The following COL28A1 variants were observed in gnomAD, a reference collection of about 807,000 sequenced individuals.
The protein encoded by COL28A1 is collagen alpha-1(XXVIII) chain.
A neutral mutation model predicts 150.2 loss-of-function variants in COL28A1; 161 were observed. The observed-to-expected ratio is 1.07, with a 90% CI of 0.94 to 1.22. The LOEUF (loss-of-function observed/expected upper bound fraction) is 1.22, where lower values mean the gene tolerates loss of function less well. Ranked by LOEUF, COL28A1 falls within the 50% of genes most tolerant of loss-of-function variation. The pLI, the probability that COL28A1 is intolerant of heterozygous loss-of-function variation, is 0.00. For missense variants in COL28A1, 1,617 were observed against 1,388.3 expected (o/e 1.16, Z -2.62); for synonymous variants, 552 against 469.7 (o/e 1.18, Z -2.26).
At chr7:7,453,113 G>C (rs932767248) in intron 17 of COL28A1, among the ~76,000 whole-genome samples, 6 of 152,194 alleles carry the variant, frequency 3.9e-5, no homozygotes, top group Non-Finnish European at 7.3e-5. Flanking sequence ...GTGGTGGTGA[G>C]AATGAAAATT....
chr7:7,381,553 T>C lies in COL28A1; in HGVS notation c.2196A>G (p.Pro732=). The change falls in exon 28 of 35, where the codon CCA becomes CCG. Residue 732 remains proline (P), a synonymous_variant. Transcript: ENST00000399429. ...ATCCTGAGACACTTACCTTCTGGCC[T>C]GGGAGGCCATGGCCCATTGTGCCCT... ...GPKGTMGHGL[P]GQKGEHGERG... The C allele has an allele frequency of 6.2e-7, 1 of 1,613,232 alleles. No homozygotes were observed. Among genetic ancestry groups the C allele is most frequent in the South Asian group, 1.1e-5 (1 of 91,050 alleles).
rs375395935 is a variant in COL28A1, at chr7:7,517,757, G to A, written c.855+39C>T. On this transcript the variant is annotated intron_variant, in intron 7 of 34. Transcript: ENST00000399429. Reference sequence around the variant, plus strand: ...GTCAACCACAAAATCAGTAACCTAGGATCACTTTCTTAGGAAGGCATTCCA... The same window carrying A: ...GTCAACCACAAAATCAGTAACCTAGAATCACTTTCTTAGGAAGGCATTCCA... The A allele has an allele frequency of 1.9e-6, 3 of 1,612,478 alleles. No homozygotes were observed. In the African/African-American group the frequency reaches 4.0e-5, roughly 22 times the overall value.
chr7:7,351,838 C>T (rs1780236770), downstream of COL28A1, among the ~76,000 whole-genome samples: 1 of 152,086 alleles, frequency 6.6e-6, no homozygotes, highest in Non-Finnish European at 1.5e-5. Context: ...CCTCTACCAT[C>T]TGAATGGACA....
rs1785121497 is a variant in COL28A1, at chr7:7,433,414, T to C, written c.1861-714A>G. On this transcript the variant is annotated intron_variant, in intron 23 of 34. Coordinates refer to ENST00000399429, the MANE Select transcript of COL28A1 (RefSeq NM_001037763.3). The stretch of plus-strand genomic sequence containing the variant: ...ACTTTGGGAAGCTGAGGTGGGTGGA[T>C]CACCAGGTCAGGAGTTCAAGACCAG... 3.9e-5 allele frequency among the ~76,000 whole-genome samples: 6 copies of C among 152,162 alleles called. No homozygotes were observed. In the South Asian group the frequency reaches 1.2e-3, roughly 32 times the overall value.
At position 7,521,946 on chromosome 7, in the gene COL28A1, A is replaced by G; in HGVS notation, c.718T>C (p.Cys240Arg). The stretch of plus-strand genomic sequence containing the variant: ...CCTGGATCTCCCTTCTCACATTCAC[A>G]AATCTTGCGTTCACACTGAATCAAT... The part of the protein sequence containing the change: ...LFEKKCERKI[C>R]ECEKGDPGDP... Residue 240 changes from cysteine (C) to arginine (R), a missense_variant, in exon 5 of 35, where the codon TGT becomes CGT. Cys to Arg is a radical substitution (Grantham distance 180, BLOSUM62 -3). Transcript: ENST00000399429. The G allele has an allele frequency of 8.8e-7, 1 of 1,131,144 alleles. No homozygotes were observed. The allele number at this position is 1,131,144 out of a possible 1,614,324, so 70.1% of individuals were successfully genotyped here.
intron 25 of COL28A1, among the ~76,000 whole-genome samples, 190 bp downstream of exon 25, chr7:7,432,283 C>T (rs982179237): frequency 1.3e-5 from 2 of 151,986 alleles, no homozygotes; most frequent in Admixed American, 1.3e-4. Flanking sequence ...GAAGGAGGAC[C>T]CAAACCATAA....
intron 21 of COL28A1, among the ~76,000 whole-genome samples, chr7:7,437,759 C>T (rs1010793288): frequency 2.0e-5 from 3 of 151,992 alleles, no homozygotes; most frequent in Admixed American, 1.3e-4. Context: ...ATGGTGCTTC[C>T]TTTTTGTGTT....
At position 7,531,383 on chromosome 7, in the gene COL28A1, C is replaced by A; in HGVS notation, c.646G>T (p.Asp216Tyr). The A allele has an allele frequency of 6.3e-7, 1 of 1,579,952 alleles. No individual in the cohort carries two copies. The stretch of plus-strand genomic sequence containing the variant: ...TGAATTTTATCTACAAGGGTTGGAT[C>A]ACTCAACAGTAAAGTGGGTTCACTG... ...SSSEPTLLLSDPTLVDKIQDR... is the reference protein window; with the variant it reads ...SSSEPTLLLSYPTLVDKIQDR... The change falls in exon 3 of 35, where the codon GAT (aspartate) becomes TAT (tyrosine). Residue 216 changes from aspartate (D) to tyrosine (Y), a missense_variant. Coordinates refer to ENST00000399429, the MANE Select transcript of COL28A1 (RefSeq NM_001037763.3).
intron 30 of COL28A1, among the ~76,000 whole-genome samples, chr7:7,376,159 T>C (rs1333833905): frequency 6.6e-6 from 1 of 152,150 alleles, no homozygotes; most frequent in Non-Finnish European, 1.5e-5. Flanking sequence ...TGCCCTTCCC[T>C]GTGCAGTGTG....
chr7:7,405,659 A>G (rs1369218386), intron 27 of COL28A1, among the ~76,000 whole-genome samples: 1 of 152,172 alleles, frequency 6.6e-6, no homozygotes, highest in Non-Finnish European at 1.5e-5. Flanking sequence ...CTCCTCAAAT[A>G]TGAATTCACA....
Position 7,456,069 on chromosome 7 carries a change from G to C in COL28A1, c.1346C>G (p.Pro449Arg), listed in dbSNP as rs542163430. The C allele has an allele frequency of 3.1e-6, 5 of 1,613,860 alleles. No individual in the cohort carries two copies. The African/African-American group carries it at 5.3e-5, about 17-fold the overall frequency. The stretch of plus-strand genomic sequence containing the variant: ...CTGTTCCCCTTGACTCCCGATTCCA[G>C]GGATACCCATTGGTCCTTGGGGTCC... ...PVGPQGPMGI[P>R]GIGSQGEQGI... The change falls in exon 16 of 35, where the codon CCT becomes CGT. Residue 449 changes from proline to arginine, a missense_variant. By Grantham distance (103) the Pro-to-Arg change is moderately radical (BLOSUM62 -2). Transcript: ENST00000399429.
intron 13 of COL28A1, among the ~76,000 whole-genome samples, chr7:7,477,814 G>A (rs1425683537): frequency 6.6e-6 from 1 of 152,184 alleles, no homozygotes; most frequent in East Asian, 1.9e-4. Context: ...AGGGCAGCCT[G>A]CTTTTATTCT....
chr7:7,425,319 A>C (rs1283129449), intron 25 of COL28A1, among the ~76,000 whole-genome samples: 4 of 152,176 alleles, frequency 2.6e-5, no homozygotes, highest in African/African-American at 9.7e-5. Context: ...TAACTTTTCC[A>C]TAGACTTTCT....
intron 25 of COL28A1, among the ~76,000 whole-genome samples, chr7:7,426,672 A>T (rs1315807755): frequency 6.6e-6 from 1 of 152,212 alleles, no homozygotes. Context: ...ATTTTCAATT[A>T]CTTGAATCAA....
chr7:7,389,620 T>C (rs1166476433), intron 27 of COL28A1, among the ~76,000 whole-genome samples: 1 of 152,244 alleles, frequency 6.6e-6, no homozygotes, highest in Non-Finnish European at 1.5e-5. Context: ...TGATTCTTCC[T>C]GTCCATGAGC....
At chr7:7,471,125 T>TTAAA (rs1243089855) in intron 15 of COL28A1, among the ~76,000 whole-genome samples, 3 of 88,524 alleles carry the variant, frequency 3.4e-5, no homozygotes, top group East Asian at 3.4e-4. Flanking sequence ...AAAAAATAAT[T>TTAAA]AAAAAAAAAA....
At chr7:7,458,365 G>C (rs1035936820) in intron 15 of COL28A1, among the ~76,000 whole-genome samples, 10 of 151,862 alleles carry the variant, frequency 6.6e-5, no homozygotes, top group East Asian at 1.9e-4. Flanking sequence ...GCAGTGAGCT[G>C]AGATGGTGCC....
At chr7:7,437,591 A>G (rs1247270067) in intron 21 of COL28A1, 129 bp from the exon 22 acceptor site, 3 of 1,330,874 alleles carry the variant, frequency 2.3e-6, no homozygotes, top group African/African-American at 1.6e-5. Context: ...TTCAAAGACC[A>G]ATGTGAAAAT....
intron 33 of COL28A1, among the ~76,000 whole-genome samples, chr7:7,362,226 C>G (rs1391872005): frequency 6.8e-6 from 1 of 147,650 alleles, no homozygotes; most frequent in African/African-American, 2.5e-5. Flanking sequence ...AGGAGCTAGA[C>G]AAATCTTTTA....
Sources: gnomAD v4.1 joint callset for allele counts (sites outside exome capture counted in the v4.1 genomes callset) on GRCh38, gnomAD v4.1.1 for gene constraint, MANE v1.5 for transcripts, NCBI Gene and HGNC (gene_info 2026-07-23, HGNC 2026-07-21) for gene names.